Variants in HNRNPM observed in about 807,000 individuals in gnomAD.
HNRNPM encodes the protein heterogeneous nuclear ribonucleoprotein M, also known as CEA receptor.
A neutral mutation model predicts 73.1 loss-of-function variants in HNRNPM; 11 were observed. The observed-to-expected ratio is 0.15, with a 90% CI of 0.09 to 0.25. HNRNPM has a LOEUF of 0.25. Among genes scored for constraint, HNRNPM ranks in the 10% least tolerant of loss-of-function variants. The pLI is 1.00. For missense variants in HNRNPM, 789 were observed against 1,067.9 expected, an observed-to-expected ratio of 0.74 and a Z score of 3.64; for synonymous variants, 407 against 355.2, an observed-to-expected ratio of 1.15 and a Z score of -1.64.
In HNRNPM at chr19:8,475,804, A is replaced by T. The variant is rs927880347; in HGVS notation, c.1120+1560A>T. On this transcript the variant is annotated intron_variant, in intron 12 of 15. Coordinates refer to ENST00000325495, the MANE Select transcript of HNRNPM (RefSeq NM_005968.5). ...CAGATTAGTCTGGGTGTGCTGGCTC[A>T]CGCCTGTAATCCCAACACTTTGGGA... 7.9e-5 allele frequency among the ~76,000 whole-genome samples: 12 copies of T among 152,216 alleles called. No individual in the cohort carries two copies. The Middle Eastern group carries it at 0.01, about 129-fold the overall frequency.
At chr19:8,450,728 T>TTATTATTA (rs1555697591) in intron 1 of HNRNPM, among the ~76,000 whole-genome samples, 1 of 109,100 alleles carries the variant, frequency 9.2e-6, no homozygotes, top group Admixed American at 9.0e-5. Context: ...ATTATTATTA[T>TTATTATTA]TTTTTTTTTT....
chr19:8,478,052 A>T (rs1970641841), intron 12 of HNRNPM, among the ~76,000 whole-genome samples: 1 of 152,184 alleles, frequency 6.6e-6, no homozygotes, highest in African/African-American at 2.4e-5. Context: ...TTGAGTGCCT[A>T]GTAGGTGTTA....
At chr19:8,479,771 A>ATTTTT (rs1970773957) in intron 12 of HNRNPM, among the ~76,000 whole-genome samples, 1 of 75,730 alleles carries the variant, frequency 1.3e-5, no homozygotes. Context: ...AAAAAAAAAA[A>ATTTTT]ATTTTTTTTT....
At chr19:8,473,024 A>G (rs2145703316) in intron 10 of HNRNPM, among the ~76,000 whole-genome samples, 1 of 152,186 alleles carries the variant, frequency 6.6e-6, no homozygotes, top group East Asian at 1.9e-4. Flanking sequence ...TATGCCTGTA[A>G]TCCCAGCAAT....
At chr19:8,470,476 C>T (rs1970052216) in intron 9 of HNRNPM, among the ~76,000 whole-genome samples, 2 of 152,030 alleles carry the variant, frequency 1.3e-5, no homozygotes, top group African/African-American at 4.8e-5. Context: ...CAGGCATGTG[C>T]CACCATGCCA....
chr19:8,466,837 A>G (rs1447091601), intron 7 of HNRNPM, among the ~76,000 whole-genome samples: 1 of 150,664 alleles, frequency 6.6e-6, no homozygotes, highest in South Asian at 2.1e-4. Flanking sequence ...TCAAAAAAAA[A>G]AAAAAAAAAA....
At chr19:8,477,977 C>T (rs1031887628) in intron 12 of HNRNPM, among the ~76,000 whole-genome samples, 1 of 152,132 alleles carries the variant, frequency 6.6e-6, no homozygotes, top group Non-Finnish European at 1.5e-5. Context: ...GGGTAACAGG[C>T]GTGCGTGGCA....
At chr19:8,454,935 C>G (rs1041900215) in intron 1 of HNRNPM, among the ~76,000 whole-genome samples, 1 of 152,004 alleles carries the variant, frequency 6.6e-6, no homozygotes, top group Non-Finnish European at 1.5e-5. Context: ...CCCTGTGGAG[C>G]CTTGAGTTTG....
chr19:8,479,799 G>C (rs1970780892), intron 12 of HNRNPM, among the ~76,000 whole-genome samples: 1 of 121,804 alleles, frequency 8.2e-6, no homozygotes, highest in African/African-American at 3.3e-5. Context: ...TTTTGCGACA[G>C]AGTCTCGCTC....
At position 8,463,937 on chromosome 19, in the gene HNRNPM, T is replaced by C; in HGVS notation, c.438+251T>C. 4.1e-5 allele frequency: 18 copies of C among 438,708 alleles called. 1 individual carries two copies. The South Asian group carries it at 5.3e-4, about 13-fold the overall frequency. 27.2% of individuals were successfully genotyped at this position (438,708 alleles called of 1,614,324 possible). ...CTGTGATTTGTCTGAGGCCTTGTTG[T>C]CTCAGGGACTCTCAAACCATGAGCC... On this transcript the variant is annotated intron_variant, in intron 5 of 15. Coordinates refer to ENST00000325495, the MANE Select transcript of HNRNPM (RefSeq NM_005968.5).
chr19:8,456,243 G>T (rs527757799), intron 2 of HNRNPM, among the ~76,000 whole-genome samples: 22 of 152,332 alleles, frequency 1.4e-4, no homozygotes, highest in Non-Finnish European at 2.4e-4. Context: ...AAGCAGCCAA[G>T]CTCTGCTGCC....
At chr19:8,454,036 G>A (rs1269858587) in intron 1 of HNRNPM, among the ~76,000 whole-genome samples, 1 of 152,204 alleles carries the variant, frequency 6.6e-6, no homozygotes, top group African/African-American at 2.4e-5. Context: ...CAGCTTCAAA[G>A]TAGTAGGATT....
At chr19:8,445,225 C>G in intron 1 of HNRNPM, 114 bp downstream of exon 1, 5 of 953,598 alleles carry the variant, frequency 5.2e-6, no homozygotes, top group Non-Finnish European at 7.1e-6. Context: ...TCGGCCCCGG[C>G]TGTTCCCGTA....
At chr19:8,473,568 G>T in intron 10 of HNRNPM, 96 bp from the exon 11 acceptor site, 1 of 761,480 alleles carries the variant, frequency 1.3e-6, no homozygotes, top group East Asian at 2.6e-5. Context: ...ATTTTCTTTT[G>T]AGTTCTTTTG....
At position 8,462,221 on chromosome 19, in the gene HNRNPM, C is replaced by T; in HGVS notation, c.284-308C>T. 4 of 319,552 alleles carry T rather than the reference C, an allele frequency of 1.3e-5. No individual in the cohort carries two copies. 19.8% of individuals were successfully genotyped at this position (319,552 alleles called of 1,614,324 possible). A position where few individuals can be genotyped will look rare whatever the true frequency, so the allele number is the denominator to read the frequency against. The stretch of plus-strand genomic sequence containing the variant: ...CCAGAAAAGTAAATCACGCAGACTT[C>T]TTTCCTATAGATTTGGATTGCCTCT... On this transcript the variant is annotated intron_variant, in intron 2 of 15. Coordinates refer to ENST00000325495, the MANE Select transcript of HNRNPM (RefSeq NM_005968.5). The surrounding 1 kb of genome is among the most constrained non-coding windows in gnomAD (Gnocchi z 4.5).
In HNRNPM at chr19:8,446,460, G is replaced by A. The variant is rs10411971; in HGVS notation, c.113+1349G>A. 4.4e-3 allele frequency among the ~76,000 whole-genome samples: 675 copies of A among 152,232 alleles called. 4 individuals are homozygous for A. The highest frequency in any genetic ancestry group is 0.016 in the African/African-American group (653 of 41,530). On this transcript the variant is annotated intron_variant, in intron 1 of 15. Transcript: ENST00000325495. ...GGTCTCCCTCTGTTACCCAAGCTGGGATGCAGTGGCACGATCACAGATCAC... is the reference window on the plus strand; with the variant it reads ...GGTCTCCCTCTGTTACCCAAGCTGGAATGCAGTGGCACGATCACAGATCAC...
In HNRNPM at chr19:8,473,681, A is replaced by G. The variant is rs1970314774; in HGVS notation, c.1015A>G (p.Ile339Val). The change falls in exon 11 of 16, where the codon ATA (isoleucine) becomes GTA (valine). Residue 339 changes from isoleucine (I) to valine (V), a missense_variant. This residue lies in a region of HNRNPM where 604 missense variants were observed against 744.0 expected (regional missense o/e 0.81). Coordinates refer to ENST00000325495, the MANE Select transcript of HNRNPM (RefSeq NM_005968.5). ...TTTTTAAGGAATGGGAATGGAAGGC[A>G]TAGGATTTGGAATAAATAAAATGGG... is the stretch of plus-strand genomic sequence containing the variant. ...IGPAGMGMEG[I>V]GFGINKMGGM... 1.3e-6 allele frequency: 2 copies of G among 1,576,698 alleles called. No homozygotes were observed. The highest frequency in any genetic ancestry group is 1.1e-5 in the South Asian group (1 of 89,806).
intron 13 of HNRNPM, among the ~76,000 whole-genome samples, chr19:8,485,029 T>C (rs1971174562): frequency 6.6e-6 from 1 of 151,912 alleles, no homozygotes; most frequent in Non-Finnish European, 1.5e-5. Context: ...GATCTCTCGG[T>C]GTGTGTTTTT....
chr19:8,484,662 A>G (rs1472681232), intron 13 of HNRNPM, among the ~76,000 whole-genome samples: 1 of 152,212 alleles, frequency 6.6e-6, no homozygotes, highest in African/African-American at 2.4e-5. Context: ...AGAGCCAGTT[A>G]GAGAAACTGC....
Sources: gnomAD v4.1 joint callset for allele counts (sites outside exome capture counted in the v4.1 genomes callset) on GRCh38, gnomAD v4.1.1 for gene constraint, gnomAD v4.1.1 regional missense constraint, Gnocchi (gnomAD v3.1) non-coding constraint, MANE v1.5 for transcripts, NCBI Gene and HGNC (gene_info 2026-07-23, HGNC 2026-07-21) for gene names.